Variants in PTGER3 observed in about 807,000 individuals in gnomAD.
The protein encoded by PTGER3 is prostaglandin E2 receptor EP3 subtype.
Under a neutral mutation model 34.7 loss-of-function variants are expected in PTGER3, and 22 were observed. That is an observed-to-expected ratio of 0.63 (90% CI 0.45 to 0.91). PTGER3 has a LOEUF of 0.91. PTGER3 is among the 40% of genes least tolerant of loss of function. The pLI is 0.00. For missense variants in PTGER3, 468 were observed against 519.4 expected, an observed-to-expected ratio of 0.90 and a Z score of 0.96; for synonymous variants, 241 against 230.1, an observed-to-expected ratio of 1.05 and a Z score of -0.43.
At chr1:71,046,285 C>CAAAAAAAAAAA (rs34411077) in intron 1 of PTGER3, among the ~76,000 whole-genome samples, 1 of 81,176 alleles carries the variant, frequency 1.2e-5, no homozygotes, top group African/African-American at 5.1e-5. Context: ...GACTCCGTCT[C>CAAAAAAAAAAA]AAAAAAAAAA....
chr1:70,940,433 C>T (rs1649647047), intron 4 of PTGER3, among the ~76,000 whole-genome samples: 1 of 152,126 alleles, frequency 6.6e-6, no homozygotes, highest in Non-Finnish European at 1.5e-5. Flanking sequence ...ATAAATGCCC[C>T]ACTCTACTGG....
chr1:71,042,582 T>C (rs1027955620), intron 1 of PTGER3, among the ~76,000 whole-genome samples: 2 of 152,172 alleles, frequency 1.3e-5, no homozygotes, highest in Non-Finnish European at 2.9e-5. Context: ...TGGATTCATA[T>C]GTTTAATCAC....
chr1:70,942,776 A>C (rs1324037177), intron 4 of PTGER3, among the ~76,000 whole-genome samples: 1 of 152,158 alleles, frequency 6.6e-6, no homozygotes, highest in Non-Finnish European at 1.5e-5. Flanking sequence ...ATCCAATTTG[A>C]CTGGTATCCT....
intron 1 of PTGER3, among the ~76,000 whole-genome samples, chr1:71,021,000 A>G (rs1458133000): frequency 1.3e-5 from 2 of 152,096 alleles, no homozygotes; most frequent in African/African-American, 4.8e-5. Flanking sequence ...ACCTCTTCCC[A>G]TGCCTCAGGC....
intron 4 of PTGER3, among the ~76,000 whole-genome samples, chr1:70,935,122 C>G (rs1649086148): frequency 6.6e-6 from 1 of 152,086 alleles, no homozygotes; most frequent in African/African-American, 2.4e-5. Flanking sequence ...AAGAAAGTAT[C>G]TACAGGATTT....
chr1:71,024,456 T>C (rs1265378243), intron 1 of PTGER3, among the ~76,000 whole-genome samples: 1 of 151,972 alleles, frequency 6.6e-6, no homozygotes, highest in Non-Finnish European at 1.5e-5. Context: ...GTTACAAGAG[T>C]AGGGATCAAT....
intron 4 of PTGER3, among the ~76,000 whole-genome samples, chr1:70,861,966 C>A (rs1207675198): frequency 6.6e-6 from 1 of 151,804 alleles, no homozygotes; most frequent in African/African-American, 2.4e-5. Flanking sequence ...GGAGGGATGA[C>A]ATCTTAACCA....
intron 2 of PTGER3, 162 bp downstream of exon 2, chr1:71,012,143 G>A: frequency 1.3e-6 from 2 of 1,529,422 alleles, no homozygotes; most frequent in Non-Finnish European, 1.7e-6. Flanking sequence ...TGCCAGAGAT[G>A]CCTAAATTCA....
At chr1:70,963,260 T>G (rs1652137255) in intron 2 of PTGER3, among the ~76,000 whole-genome samples, 2 of 152,274 alleles carry the variant, frequency 1.3e-5, no homozygotes, top group South Asian at 4.1e-4. Flanking sequence ...CTAAGGCTTT[T>G]CCAGGCACAC....
intron 4 of PTGER3, among the ~76,000 whole-genome samples, chr1:70,925,329 T>G (rs912679152): frequency 4.6e-5 from 7 of 152,184 alleles, no homozygotes; most frequent in Non-Finnish European, 8.8e-5. Context: ...AATATAACTT[T>G]AATACATTTT....
chr1:71,032,327 A>G (rs1030384511), intron 1 of PTGER3, among the ~76,000 whole-genome samples: 2 of 152,196 alleles, frequency 1.3e-5, no homozygotes, highest in Non-Finnish European at 2.9e-5. Flanking sequence ...GAAAACTCAT[A>G]CTAGTCTTTG....
In PTGER3 at chr1:70,877,863, A is replaced by G. The variant is rs1431085515; in HGVS notation, c.*24-25004T>C. Among the ~76,000 whole-genome samples the G allele has an allele frequency of 3.9e-5, 6 of 152,148 alleles. 1 individual carries two copies. Among genetic ancestry groups the G allele is most frequent in the African/African-American group, 1.4e-4 (6 of 41,438 alleles). On this transcript the variant is annotated intron_variant, in intron 4 of 4. Transcript: ENST00000370931. ...GATTTGGTTTGCTAGTATTTCATTGAAGATTTTTTATCTATGTTCATCAAG... is the reference window on the plus strand; with the variant it reads ...GATTTGGTTTGCTAGTATTTCATTGGAGATTTTTTATCTATGTTCATCAAG...
chr1:70,939,548 G>A lies in PTGER3; in HGVS notation c.*23+14215C>T, dbSNP rs57414832. Among the ~76,000 whole-genome samples the A allele has an allele frequency of 3.9e-3, 597 of 152,358 alleles. 7 individuals carry two copies. Among genetic ancestry groups the A allele is most frequent in the African/African-American group, 0.014 (564 of 41,582 alleles). On this transcript the variant is annotated intron_variant, in intron 4 of 4. Coordinates refer to the PTGER3 transcript ENST00000370931. ...CCGCCCCTGCAGCAAACTTTTGCCT[G>A]GGCATCCGGGATTTCTGTACATCCT...
chr1:70,911,784 A>C (rs550539524), intron 4 of PTGER3, among the ~76,000 whole-genome samples: 3 of 152,106 alleles, frequency 2.0e-5, no homozygotes, highest in African/African-American at 7.2e-5. Context: ...TAAAAATTTT[A>C]TTTGTTTGTT....
At chr1:70,865,821 G>A (rs749888504) in intron 4 of PTGER3, 9 of 1,360,142 alleles carry the variant, frequency 6.6e-6, no homozygotes, top group Middle Eastern at 2.1e-4. Context: ...GTAGAGGTGG[G>A]AAGAAGAGGA....
At chr1:70,896,488 G>T (rs1238954593) in intron 4 of PTGER3, among the ~76,000 whole-genome samples, 1 of 152,172 alleles carries the variant, frequency 6.6e-6, no homozygotes, top group Non-Finnish European at 1.5e-5. Context: ...CCTCAGTAGA[G>T]ACCAGCCATG....
At chr1:71,029,313 G>A (rs886297280) in intron 1 of PTGER3, among the ~76,000 whole-genome samples, 1 of 152,226 alleles carries the variant, frequency 6.6e-6, no homozygotes, top group East Asian at 1.9e-4. Context: ...AACTGAATCA[G>A]ACAAATAGAG....
At chr1:70,980,279 G>T (rs1283946410) in intron 2 of PTGER3, among the ~76,000 whole-genome samples, 1 of 152,102 alleles carries the variant, frequency 6.6e-6, no homozygotes, top group African/African-American at 2.4e-5. Context: ...ACATAGTTTG[G>T]GGGGATTGAT....
In PTGER3 at chr1:70,890,368, A is replaced by G. The variant is rs1159393987; in HGVS notation, c.*24-37509T>C. Among the ~76,000 whole-genome samples, 5 of 152,196 alleles carry G rather than the reference A, an allele frequency of 3.3e-5. No individual in the cohort carries two copies. In the East Asian group the frequency reaches 9.6e-4, roughly 29 times the overall value. On this transcript the variant is annotated intron_variant, in intron 4 of 4. Transcript: ENST00000370931. ...GTGATCCTCTTAAGATCAGAAAGCC[A>G]ATAAGTGATGTGAAATTTGAAATGA... is the stretch of plus-strand genomic sequence containing the variant.
Sources: gnomAD v4.1 joint callset for allele counts (sites outside exome capture counted in the v4.1 genomes callset) on GRCh38, gnomAD v4.1.1 for gene constraint, MANE v1.5 for transcripts, NCBI Gene and HGNC (gene_info 2026-07-23, HGNC 2026-07-21) for gene names.